The following CTNND2 variants were observed in gnomAD, a reference collection of about 807,000 sequenced individuals.
CTNND2 encodes catenin delta 2, also known as catenin delta-2.
Under a neutral mutation model 144.4 loss-of-function variants are expected in CTNND2, and 22 were observed. The ratio of observed to expected loss-of-function variants is 0.15; its 90% confidence interval spans 0.11 to 0.22. The LOEUF (loss-of-function observed/expected upper bound fraction) is 0.22, where lower values mean the gene tolerates loss of function less well. Among genes scored for constraint, CTNND2 ranks in the 10% least tolerant of loss-of-function variants. The pLI is 1.00. For missense variants in CTNND2, 1,353 were observed against 1,618.8 expected (o/e 0.84, Z 2.82); for synonymous variants, 751 against 695.6 (o/e 1.08, Z -1.25).
At chr5:11,507,494 G>A (rs776580573) in intron 3 of CTNND2, among the ~76,000 whole-genome samples, 4 of 152,118 alleles carry the variant, frequency 2.6e-5, no homozygotes, top group South Asian at 2.1e-4. Flanking sequence ...TCCTTCCTCC[G>A]TTGCATAAGG....
chr5:11,625,503 A>G (rs1001263762), intron 2 of CTNND2, among the ~76,000 whole-genome samples: 1 of 152,092 alleles, frequency 6.6e-6, no homozygotes, highest in Non-Finnish European at 1.5e-5. Flanking sequence ...TAGGATGTAA[A>G]ATTATAAAAC....
At chr5:11,002,873 T>C (rs1740097818) in intron 18 of CTNND2, among the ~76,000 whole-genome samples, 1 of 152,222 alleles carries the variant, frequency 6.6e-6, no homozygotes, top group Non-Finnish European at 1.5e-5. Context: ...TATTTTCTTA[T>C]AAGAGACTTC....
At chr5:11,271,710 T>C (rs1261860231) in intron 9 of CTNND2, among the ~76,000 whole-genome samples, 1 of 152,172 alleles carries the variant, frequency 6.6e-6, no homozygotes, top group Admixed American at 6.5e-5. Context: ...CCTTTAAATA[T>C]CTCATATCAT....
At chr5:11,254,144 G>A (rs1383746215) in intron 9 of CTNND2, among the ~76,000 whole-genome samples, 2 of 152,176 alleles carry the variant, frequency 1.3e-5, no homozygotes, top group East Asian at 1.9e-4. Context: ...AACACACTCA[G>A]TTTAGCAGAG....
intron 3 of CTNND2, among the ~76,000 whole-genome samples, chr5:11,496,963 G>A (rs899562325): frequency 8.5e-5 from 13 of 152,176 alleles, no homozygotes; most frequent in Middle Eastern, 3.4e-3. Context: ...GCCTGATATC[G>A]GCATATTACT....
intron 1 of CTNND2, among the ~76,000 whole-genome samples, chr5:11,732,582 T>A (rs1386603459): frequency 6.6e-6 from 1 of 152,180 alleles, no homozygotes; most frequent in Non-Finnish European, 1.5e-5. Context: ...AAGAATAAAG[T>A]AATAAAGAAG....
At chr5:11,134,698 T>C (rs184301892) in intron 12 of CTNND2, among the ~76,000 whole-genome samples, 183 of 152,334 alleles carry the variant, frequency 1.2e-3, no homozygotes, top group African/African-American at 3.9e-3. Flanking sequence ...TAGATGTCTC[T>C]TGTTGCAGGA....
chr5:11,462,773 A>G (rs538664344), intron 3 of CTNND2, among the ~76,000 whole-genome samples: 1 of 152,294 alleles, frequency 6.6e-6, no homozygotes, highest in Admixed American at 6.5e-5. Flanking sequence ...ATAAATACCA[A>G]CTAAGAAATG....
At chr5:11,680,477 C>A (rs910670114) in intron 2 of CTNND2, among the ~76,000 whole-genome samples, 2 of 152,120 alleles carry the variant, frequency 1.3e-5, no homozygotes, top group Non-Finnish European at 2.9e-5. Context: ...ACGCACAGGA[C>A]ATCCCCCTAC....
intron 21 of CTNND2, among the ~76,000 whole-genome samples, chr5:10,977,059 T>C (rs1736581473): frequency 6.6e-6 from 1 of 152,374 alleles, no homozygotes; most frequent in African/African-American, 2.4e-5. Context: ...TGGGGAATTC[T>C]GGCTCATGCT....
At position 10,989,996 on chromosome 5, in the gene CTNND2, G is replaced by A. The variant is rs563150574; in HGVS notation, c.3212-1754C>T. ...GGAATCCTTTAAAAAAAATACTGAG[G>A]CTTGAACCCCACCCAATGCCAGCTG... is the stretch of plus-strand genomic sequence containing the variant. On this transcript the variant is annotated intron_variant, in intron 19 of 21. Transcript: ENST00000304623. Among the ~76,000 whole-genome samples the A allele has an allele frequency of 8.5e-5, 13 of 152,272 alleles. No individual in the cohort carries two copies. The South Asian group carries it at 2.7e-3, about 32-fold the overall frequency.
chr5:11,570,449 T>C (rs958337837), intron 2 of CTNND2, among the ~76,000 whole-genome samples: 3 of 152,188 alleles, frequency 2.0e-5, no homozygotes, highest in African/African-American at 7.2e-5. Context: ...TCTGACACTT[T>C]GCACATCTTT....
intron 12 of CTNND2, among the ~76,000 whole-genome samples, chr5:11,126,072 C>T (rs1042425880): frequency 1.3e-5 from 2 of 152,174 alleles, no homozygotes; most frequent in Non-Finnish European, 2.9e-5. Context: ...GAGGCCGAGG[C>T]AGGCGGATCA....
Position 11,576,066 on chromosome 5 carries a change from C to T in CTNND2, c.175-11010G>A, listed in dbSNP as rs537144344. Among the ~76,000 whole-genome samples, 7 of 152,268 alleles carry T rather than the reference C, an allele frequency of 4.6e-5. No individual in the cohort carries two copies. In the East Asian group the frequency reaches 1.4e-3, roughly 29 times the overall value. The stretch of plus-strand genomic sequence containing the variant: ...CCAAGTTGCCTGATCCACAGATTTG[C>T]AAATCTTTCTAGACTCTGTCCTCTC... On this transcript the variant is annotated intron_variant, in intron 2 of 21. Transcript: ENST00000304623.
At chr5:11,790,319 T>G (rs1286776201) in intron 1 of CTNND2, among the ~76,000 whole-genome samples, 4 of 152,224 alleles carry the variant, frequency 2.6e-5, no homozygotes, top group African/African-American at 9.6e-5. Flanking sequence ...GCCTGCCATA[T>G]GCTTGTTGCT....
chr5:11,646,964 C>T (rs910499435), intron 2 of CTNND2, among the ~76,000 whole-genome samples: 2 of 152,212 alleles, frequency 1.3e-5, no homozygotes, highest in South Asian at 2.1e-4. Context: ...CACACATTCT[C>T]ATTGGCATCC....
intron 2 of CTNND2, among the ~76,000 whole-genome samples, chr5:11,647,448 T>C (rs973028010): frequency 6.6e-6 from 1 of 152,024 alleles, no homozygotes; most frequent in Non-Finnish European, 1.5e-5. Context: ...CCTACCAACC[T>C]GTCCCTGTCA....
intron 2 of CTNND2, among the ~76,000 whole-genome samples, chr5:11,587,381 T>A (rs1253275578): frequency 6.6e-6 from 1 of 152,104 alleles, no homozygotes; most frequent in East Asian, 1.9e-4. Flanking sequence ...AATGAAATAC[T>A]TAGTAAGAGA....
intron 19 of CTNND2, among the ~76,000 whole-genome samples, chr5:10,989,584 A>G (rs1738430218): frequency 6.6e-6 from 1 of 152,156 alleles, no homozygotes; most frequent in South Asian, 2.1e-4. Context: ...CGAGCTTATC[A>G]TTCACACCCT....
Sources: allele counts gnomAD v4.1 joint callset (sites outside exome capture counted in the v4.1 genomes callset), GRCh38; gene constraint gnomAD v4.1.1; transcripts MANE v1.5; gene names NCBI Gene and HGNC (gene_info 2026-07-23, HGNC 2026-07-21).